Variants in COL14A1 observed in about 807,000 individuals in gnomAD.
The protein encoded by COL14A1 is collagen alpha-1(XIV) chain.
A neutral mutation model predicts 230.3 loss-of-function variants in COL14A1; 136 were observed. The ratio of observed to expected loss-of-function variants is 0.59; its 90% confidence interval spans 0.51 to 0.68. The LOEUF is 0.68. Ranked by LOEUF, COL14A1 falls within the 30% of genes least tolerant of loss-of-function variation. The probability of loss-of-function intolerance (pLI) is 0.00; values close to 1 mark genes in which losing one functional copy is unlikely to be tolerated. For synonymous variants in COL14A1, 792 were observed against 784.1 expected, an observed-to-expected ratio of 1.01 and a Z score of -0.17; for missense variants, 1,976 against 2,215.8, an observed-to-expected ratio of 0.89 and a Z score of 2.17.
chr8:120,302,215 G>T (rs1820734863), intron 36 of COL14A1, among the ~76,000 whole-genome samples: 2 of 152,076 alleles, frequency 1.3e-5, no homozygotes, highest in Admixed American at 1.3e-4. Flanking sequence ...AGTTACTTTT[G>T]CTGTGCAGAA....
chr8:120,313,381 G>T (rs1052028661), intron 37 of COL14A1, among the ~76,000 whole-genome samples: 1 of 152,016 alleles, frequency 6.6e-6, no homozygotes, highest in East Asian at 1.9e-4. Context: ...ATGAAAAAAG[G>T]AAGTAAAATA....
chr8:120,354,431 A>T (rs895573397), intron 45 of COL14A1, among the ~76,000 whole-genome samples: 1 of 151,246 alleles, frequency 6.6e-6, no homozygotes, highest in Non-Finnish European at 1.5e-5. Context: ...TCCCCATACA[A>T]TGTCTTTGAT....
At chr8:120,205,413 G>A (rs560252549) in intron 9 of COL14A1, among the ~76,000 whole-genome samples, 12 of 152,190 alleles carry the variant, frequency 7.9e-5, no homozygotes, top group African/African-American at 2.9e-4. Flanking sequence ...AATTTCCAGA[G>A]TTTTTAGTTA....
intron 5 of COL14A1, among the ~76,000 whole-genome samples, chr8:120,177,645 C>T (rs1490664381): frequency 9.9e-6 from 1 of 101,344 alleles, no homozygotes; most frequent in East Asian, 3.0e-4. Context: ...CGAGACTTTG[C>T]CTGCTTCAAA....
rs1160270062 is a variant in COL14A1 at position 120,146,927 on chromosome 8, C to G, written c.-37-879C>G. On this transcript the variant is annotated intron_variant, in intron 1 of 47. Coordinates refer to ENST00000297848, the MANE Select transcript of COL14A1 (RefSeq NM_021110.4). ...TTTCAGAATTTCTCCTCTGTAATGA[C>G]CTAGTAATAGAATTGTAATCTACAA... is the stretch of plus-strand genomic sequence containing the variant. Among the ~76,000 whole-genome samples, 3 of 152,098 alleles carry G rather than the reference C, an allele frequency of 2.0e-5. No individual in the cohort carries two copies. The East Asian group carries it at 5.8e-4, about 29-fold the overall frequency.
At chr8:120,203,577 T>C (rs1817326886) in intron 8 of COL14A1, 132 bp from the exon 9 acceptor site, 1 of 574,232 alleles carries the variant, frequency 1.7e-6, no homozygotes, top group Non-Finnish European at 2.8e-6. Context: ...ATTTTAAATA[T>C]ATATATACAA....
At chr8:120,241,500 A>C (rs750855486) in intron 19 of COL14A1, among the ~76,000 whole-genome samples, 14 of 152,218 alleles carry the variant, frequency 9.2e-5, no homozygotes, top group Non-Finnish European at 1.8e-4. Flanking sequence ...AATTAAAAGC[A>C]TGAAGCTCAC....
intron 30 of COL14A1, 61 bp downstream of exon 30, chr8:120,280,810 G>A: frequency 1.9e-6 from 3 of 1,550,082 alleles, no homozygotes; most frequent in East Asian, 2.3e-5. Flanking sequence ...AATTGGGGAT[G>A]GGGTTTCTGT....
At position 120,345,459 on chromosome 8, in the gene COL14A1, A is replaced by G; in HGVS notation, c.4973A>G (p.Glu1658Gly). 1 of 1,602,986 alleles carries G rather than the reference A, an allele frequency of 6.2e-7. No individual in the cohort carries two copies. The highest frequency in any genetic ancestry group is 2.3e-5 in the East Asian group (1 of 43,714). Residue 1658 changes from glutamate to glycine, a missense_variant, in exon 45 of 48, where the codon GAG becomes GGG. Transcript: ENST00000297848. ...SIRTVQGPPGEPGRPGSPGAP... is the reference protein window; with the variant it reads ...SIRTVQGPPGGPGRPGSPGAP... The stretch of plus-strand genomic sequence containing the variant: ...CGGACTGTCCAAGGGCCTCCTGGGG[A>G]GCCTGGGAGGCCAGGCTCACCTGGA...
chr8:120,238,155 C>G (rs978936589), intron 19 of COL14A1, among the ~76,000 whole-genome samples: 1 of 152,176 alleles, frequency 6.6e-6, no homozygotes, highest in Non-Finnish European at 1.5e-5. Context: ...GTCCTCTGCT[C>G]TTTTCAGAGC....
chr8:120,348,353 A>G (rs1040847275), intron 45 of COL14A1, among the ~76,000 whole-genome samples: 1 of 150,982 alleles, frequency 6.6e-6, no homozygotes, highest in African/African-American at 2.4e-5. Context: ...CTCAGCCATA[A>G]AAAGGAATGA....
chr8:120,298,432 T>C (rs1156561150), intron 35 of COL14A1, among the ~76,000 whole-genome samples: 1 of 151,302 alleles, frequency 6.6e-6, no homozygotes, highest in Non-Finnish European at 1.5e-5. Context: ...ACTAAACATT[T>C]AAAAGTTATT....
rs144764837 is a variant in COL14A1 at position 120,371,179 on chromosome 8, C to T, written c.5339C>T (p.Thr1780Ile). ...CCCCATCCAGATCAGCCAGAGTTCA[C>T]CCCTGTCCAAGATGAGCTGGAAGCC... is the stretch of plus-strand genomic sequence containing the variant. ...RAPHPDQPEF[T>I]PVQDELEAME... is the part of the protein sequence containing the mutation. Residue 1780 changes from threonine to isoleucine, a missense_variant, in exon 48 of 48, where the codon ACC (threonine) becomes ATC (isoleucine). Thr to Ile is a moderately conservative substitution (Grantham distance 89). This residue lies in a region of COL14A1 where 1,791 missense variants were observed against 2,019.5 expected (regional missense o/e 0.89). Coordinates refer to ENST00000297848, the MANE Select transcript of COL14A1 (RefSeq NM_021110.4). 64 of 1,611,048 alleles carry T rather than the reference C, an allele frequency of 4.0e-5. No individual in the cohort carries two copies. The highest frequency in any genetic ancestry group is 4.9e-5 in the Non-Finnish European group (58 of 1,178,674).
At chr8:120,189,458 T>TTTTTATTTAAATTAATTA (rs1246103948) in intron 5 of COL14A1, among the ~76,000 whole-genome samples, 6 of 151,840 alleles carry the variant, frequency 4.0e-5, no homozygotes, top group Non-Finnish European at 8.8e-5. Context: ...GAGTCTTTTT[T>TTTTTATTTAAATTAATTA]TTTAATTAAA....
chr8:120,174,699 T>C (rs146072017), intron 5 of COL14A1, among the ~76,000 whole-genome samples: 171 of 152,320 alleles, frequency 1.1e-3, no homozygotes, highest in African/African-American at 3.9e-3. Flanking sequence ...TCAGGAGGTT[T>C]ATGGAAAATA....
intron 7 of COL14A1, among the ~76,000 whole-genome samples, chr8:120,198,814 CAT>C (rs1283317111): frequency 3.3e-5 from 5 of 152,160 alleles, no homozygotes; most frequent in African/African-American, 1.2e-4. Flanking sequence ...GAATCCTGAT[CAT>C]TGCTTTGCCA....
rs551726117 is a variant in COL14A1 at position 120,336,207 on chromosome 8, T to A, written c.4785+3472T>A. On this transcript the variant is annotated intron_variant, in intron 42 of 47. Transcript: ENST00000297848. ...GTAATAAAGGGCAGAAAGTGTGAAA[T>A]GCCTTAAGGCAAAGACAAGCAAATT... Among the ~76,000 whole-genome samples, 268 of 152,216 alleles carry A rather than the reference T, an allele frequency of 1.8e-3. 1 individual carries two copies. The highest frequency in any genetic ancestry group is 6.2e-3 in the African/African-American group (259 of 41,538).
chr8:120,323,067 T>G (rs1163940667), intron 40 of COL14A1, among the ~76,000 whole-genome samples: 2 of 152,118 alleles, frequency 1.3e-5, no homozygotes, highest in Admixed American at 6.5e-5. Flanking sequence ...AGCATCTGTC[T>G]TTTTGTTTAG....
chr8:120,284,924 A>G (rs1820147193), intron 32 of COL14A1, among the ~76,000 whole-genome samples: 1 of 152,142 alleles, frequency 6.6e-6, no homozygotes, highest in Non-Finnish European at 1.5e-5. Context: ...TCTATTTGCT[A>G]TTGAACAAAG....
Sources: allele counts gnomAD v4.1 joint callset (sites outside exome capture counted in the v4.1 genomes callset), GRCh38; gene constraint gnomAD v4.1.1; regional missense constraint gnomAD v4.1.1; transcripts MANE v1.5; gene names NCBI Gene and HGNC (gene_info 2026-07-23, HGNC 2026-07-21).